The following PSME4 variants were observed in gnomAD, a reference collection of about 807,000 sequenced individuals.
PSME4 encodes proteasome activator subunit 4.
In PSME4, 89 loss-of-function variants were observed where a neutral mutation model predicts 253.9. The observed-to-expected ratio is 0.35, with a 90% confidence interval of 0.30 to 0.42. The LOEUF is 0.42. PSME4 is among the 10% of genes least tolerant of loss of function. PSME4 has a pLI of 1.00. For synonymous variants in PSME4, 851 were observed against 759.2 expected (o/e 1.12, Z -1.99); for missense variants, 2,014 against 2,195.2 (o/e 0.92, Z 1.65).
intron 28 of PSME4, among the ~76,000 whole-genome samples, chr2:53,900,399 C>CAA (rs1553409464): frequency 3.9e-5 from 5 of 128,426 alleles, no homozygotes; most frequent in Non-Finnish European, 3.4e-5. Flanking sequence ...GTCTCTCTCT[C>CAA]AAAAAAAAAA....
intron 43 of PSME4, chr2:53,869,740 T>G (rs1678776637): frequency 2.6e-6 from 1 of 391,244 alleles, no homozygotes; most frequent in Non-Finnish European, 4.6e-6. Context: ...AAAACTACAT[T>G]AGGGTTATGA....
intron 20 of PSME4, among the ~76,000 whole-genome samples, chr2:53,917,000 C>A (rs937804718): frequency 6.6e-6 from 1 of 151,468 alleles, no homozygotes; most frequent in Non-Finnish European, 1.5e-5. Flanking sequence ...CCTAAAAATA[C>A]GTATTATTCA....
At chr2:53,947,853 T>C (rs1037460725) in intron 3 of PSME4, among the ~76,000 whole-genome samples, 2 of 150,228 alleles carry the variant, frequency 1.3e-5, no homozygotes, top group African/African-American at 2.5e-5. Flanking sequence ...CCATCTCTAC[T>C]AAAAATACAA....
At chr2:53,901,684 T>C in intron 27 of PSME4, 125 bp from the exon 28 acceptor site, 1 of 648,688 alleles carries the variant, frequency 1.5e-6, no homozygotes, top group South Asian at 3.1e-5. Flanking sequence ...TATTGGTTAG[T>C]AAAATATGTT....
intron 26 of PSME4, among the ~76,000 whole-genome samples, chr2:53,904,848 C>T (rs1680575469): frequency 6.6e-6 from 1 of 151,474 alleles, no homozygotes; most frequent in Non-Finnish European, 1.5e-5. Context: ...ATTAGCCAGG[C>T]ATGGTGGTGC....
intron 27 of PSME4, 138 bp from the exon 28 acceptor site, chr2:53,901,697 C>G: frequency 1.7e-6 from 1 of 581,368 alleles, no homozygotes; most frequent in Non-Finnish European, 2.8e-6. Flanking sequence ...AATATGTTCA[C>G]ACATTTAACA....
chr2:53,888,852 T>C (rs777007237), intron 37 of PSME4, 40 bp from the exon 38 acceptor site: 1 of 1,412,160 alleles, frequency 7.1e-7, no homozygotes, highest in Non-Finnish European at 1.0e-6. Flanking sequence ...ACAGAGAACC[T>C]ACAATTCTGT....
chr2:53,925,616 A>C lies in PSME4; in HGVS notation c.1732T>G (p.Leu578Val). 3 of 1,611,560 alleles carry C rather than the reference A, an allele frequency of 1.9e-6. No homozygotes were observed. The highest frequency in any genetic ancestry group is 8.5e-7 in the Non-Finnish European group (1 of 1,177,882). The change falls in exon 14 of 47, where the codon TTG becomes GTG. Residue 578 changes from leucine to valine, a missense_variant. Transcript: ENST00000404125. The stretch of plus-strand genomic sequence containing the variant: ...AGACCTAATTCGACCAAACTCTCCA[A>C]GTGTGTCATTTTCTCAGTTTCTGTC... Reference protein sequence around the residue: ...EETETEKMTHLESLVELGLSS... With the variant: ...EETETEKMTHVESLVELGLSS...
At position 53,970,896 on chromosome 2, in the gene PSME4, C is replaced by G; in HGVS notation, c.-112G>C. ...CGTCGCCCTGCGGCCGCTGGCGGCC[C>G]GTCGCCCTCGGACCGATCGCTAGGC... On this transcript the variant is annotated 5_prime_UTR_variant, in exon 1 of 47. Transcript: ENST00000404125. 2 of 958,586 alleles carry G rather than the reference C, an allele frequency of 2.1e-6. No individual in the cohort carries two copies. The highest frequency in any genetic ancestry group is 2.9e-6 in the Non-Finnish European group (2 of 684,796). The allele number at this position is 958,586 out of a possible 1,614,324, so 59.4% of individuals were successfully genotyped here.
chr2:53,904,373 A>G (rs1294622500), intron 26 of PSME4, among the ~76,000 whole-genome samples: 1 of 152,236 alleles, frequency 6.6e-6, no homozygotes, highest in African/African-American at 2.4e-5. Flanking sequence ...TTTAGGTTAC[A>G]CTGACTGAAA....
rs531883040 is a variant in PSME4 at position 53,948,940 on chromosome 2, G to C, written c.383+203C>G. On this transcript the variant is annotated intron_variant, in intron 2 of 46. Transcript: ENST00000404125. ...GGGAAGTTCAATGGGTGCTAGAGAAGAGACCATGTCATGGAAGAGATGGAA... is the reference window on the plus strand; with the variant it reads ...GGGAAGTTCAATGGGTGCTAGAGAACAGACCATGTCATGGAAGAGATGGAA... Among the ~76,000 whole-genome samples the C allele has an allele frequency of 5.9e-5, 9 of 152,302 alleles. No individual in the cohort carries two copies. The South Asian group carries it at 1.9e-3, about 32-fold the overall frequency.
chr2:53,933,047 C>T (rs2104461046), intron 8 of PSME4: 2 of 281,716 alleles, frequency 7.1e-6, no homozygotes, highest in East Asian at 1.3e-4. Flanking sequence ...TACTGTTCTG[C>T]AGTAAATAAC....
At position 53,885,789 on chromosome 2, in the gene PSME4, A is replaced by C; in HGVS notation, c.4730-14T>G. On this transcript the variant is annotated splice_polypyrimidine_tract_variant and intron_variant, in intron 40 of 46. Transcript: ENST00000404125. ...GCCATTTCAATACTATTTTGAAAAC[A>C]AAGATGCAGAGTAAGTCTTTGCCAT... 6.3e-7 allele frequency: 1 copy of C among 1,579,562 alleles called. No homozygotes were observed. Among genetic ancestry groups the C allele is most frequent in the Middle Eastern group, 1.7e-4 (1 of 5,982 alleles).
chr2:53,906,832 T>G lies in PSME4; in HGVS notation c.2821A>C (p.Ile941Leu). The change falls in exon 25 of 47, where the codon ATT becomes CTT. Residue 941 changes from isoleucine (I) to leucine (L), a missense_variant. By Grantham distance (5) the Ile-to-Leu change is conservative. This residue lies in a region of PSME4 where 989 missense variants were observed against 1,021.1 expected (regional missense o/e 0.97). Coordinates refer to ENST00000404125, the MANE Select transcript of PSME4 (RefSeq NM_014614.3). ...GKKQHIRALL[I>L]DRVMLQHELR... Reference sequence around the variant, plus strand: ...TCATGCTGTAACATTACTCTATCAATCAACAGTGCTCTGATATGTTGTTTT... The same window carrying G: ...TCATGCTGTAACATTACTCTATCAAGCAACAGTGCTCTGATATGTTGTTTT... 6.2e-7 allele frequency: 1 copy of G among 1,613,668 alleles called. No individual in the cohort carries two copies. The highest frequency in any genetic ancestry group is 8.5e-7 in the Non-Finnish European group (1 of 1,179,822).
chr2:53,925,456 A>G, intron 14 of PSME4, 83 bp downstream of exon 14: 1 of 1,247,802 alleles, frequency 8.0e-7, no homozygotes. Context: ...TGCATGATAT[A>G]CACAAAGTAA....
At chr2:53,933,403 A>AAAAAAAAG (rs1558697904) in intron 8 of PSME4, among the ~76,000 whole-genome samples, 6 of 139,094 alleles carry the variant, frequency 4.3e-5, no homozygotes, top group Non-Finnish European at 6.3e-5. Context: ...AAAAAAAAAA[A>AAAAAAAAG]GCGTTTCCCT....
intron 13 of PSME4, 34 bp from the exon 14 acceptor site, chr2:53,925,723 C>T (rs762157089): frequency 1.3e-6 from 2 of 1,582,778 alleles, no homozygotes; most frequent in South Asian, 1.1e-5. Context: ...ATTTCAGCAA[C>T]TAAAATCTGG....
intron 1 of PSME4, among the ~76,000 whole-genome samples, chr2:53,956,484 C>T (rs1173730620): frequency 1.3e-5 from 2 of 151,874 alleles, no homozygotes; most frequent in African/African-American, 4.8e-5. Flanking sequence ...GAGCCGAGAT[C>T]ACGCCACTGC....
In PSME4 at chr2:53,920,337, G is replaced by C; in HGVS notation, c.2276C>G (p.Pro759Arg). The C allele has an allele frequency of 1.2e-6, 2 of 1,612,322 alleles. No homozygotes were observed. The highest frequency in any genetic ancestry group is 2.2e-5 in the East Asian group (1 of 44,864). Residue 759 changes from proline to arginine, a missense_variant, in exon 19 of 47, where the codon CCC becomes CGC. By Grantham distance (103) the Pro-to-Arg change is moderately radical (BLOSUM62 -2). Transcript: ENST00000404125. ...EYFPIKDWGK[P>R]GDLWNLGIQW... ...GATTCCCAGATTCCACAAGTCCCCG[G>C]GTTTGCCCCAGTCCTAGAAGAGAAC... is the stretch of plus-strand genomic sequence containing the variant.
Sources: allele counts gnomAD v4.1 joint callset (sites outside exome capture counted in the v4.1 genomes callset), GRCh38; gene constraint gnomAD v4.1.1; regional missense constraint gnomAD v4.1.1; transcripts MANE v1.5; gene names NCBI Gene and HGNC (gene_info 2026-07-23, HGNC 2026-07-21).